Variants in EPN3 observed in about 807,000 individuals in gnomAD.
EPN3 encodes the protein epsin-3.
In EPN3, 56 loss-of-function variants were observed where a neutral mutation model predicts 55.5. That is an observed-to-expected ratio of 1.01 (90% confidence interval 0.81 to 1.26). EPN3 has a LOEUF of 1.26. Ranked by LOEUF, EPN3 falls within the 50% of genes most tolerant of loss-of-function variation. The pLI, the probability that EPN3 is intolerant of heterozygous loss-of-function variation, is 0.00. For missense variants in EPN3, 927 were observed against 853.4 expected (o/e 1.09, Z -1.07); for synonymous variants, 449 against 375.2 (o/e 1.20, Z -2.27).
intron 8 of EPN3, 51 bp downstream of exon 8, chr17:50,541,384 C>T (rs751131855): frequency 1.2e-6 from 2 of 1,605,820 alleles, no homozygotes; most frequent in East Asian, 2.2e-5. Flanking sequence ...GGGCCCACCC[C>T]GAGCAGCCTC....
intron 9 of EPN3, 30 bp downstream of exon 9, chr17:50,541,724 G>C: frequency 6.2e-7 from 1 of 1,611,594 alleles, no homozygotes; most frequent in South Asian, 1.1e-5. Context: ...CTCAACCCAG[G>C]GGCTCCTGCT....
chr17:50,538,114 G>C lies in EPN3; in HGVS notation c.598G>C (p.Glu200Gln). The change falls in exon 3 of 10, where the codon GAG (glutamate) becomes CAG (glutamine). Residue 200 changes from glutamate (E) to glutamine (Q), a missense_variant. Physicochemically the swap from Glu to Gln is conservative, Grantham distance 29. Transcript: ENST00000268933. ...GTCACCCCGCTATACCTCCGACCTG[G>C]AGCAGGCCCGGCCTCAGACGTCAGG... is the stretch of plus-strand genomic sequence containing the variant. ...SSSPRYTSDL[E>Q]QARPQTSGEE... 6.2e-7 allele frequency: 1 copy of C among 1,614,062 alleles called. No individual in the cohort carries two copies. Among genetic ancestry groups the C allele is most frequent in the Non-Finnish European group, 8.5e-7 (1 of 1,180,010 alleles).
rs2034844830 is a variant in EPN3 at position 50,541,238 on chromosome 17, C to T, written c.1259C>T (p.Ser420Leu). Reference protein sequence around the residue: ...LETSDTPGGASTFDPFAKPPE... With the variant: ...LETSDTPGGALTFDPFAKPPE... ...CTCTCTCTCTTCCGAGGTGGTGCCTCGACCTTTGACCCATTTGCCAAACCT... is the reference window on the plus strand; with the variant it reads ...CTCTCTCTCTTCCGAGGTGGTGCCTTGACCTTTGACCCATTTGCCAAACCT... The change falls in exon 8 of 10, where the codon TCG (serine) becomes TTG (leucine). Residue 420 changes from serine to leucine, a missense_variant. Transcript: ENST00000268933. 3 of 1,613,612 alleles carry T rather than the reference C, an allele frequency of 1.9e-6. No homozygotes were observed. Among genetic ancestry groups the T allele is most frequent in the Non-Finnish European group, 2.5e-6 (3 of 1,180,028 alleles).
Position 50,536,535 on chromosome 17 carries a change from A to ACCC in EPN3, c.-21_-19dup, listed in dbSNP as rs2034764686. ...TCCACCTCCGGCGGGGGCGAGGGCC[A>ACCC]CCCACCTCCAAGTCTCCAGCCATGA... is the stretch of plus-strand genomic sequence containing the variant. On this transcript the variant is annotated 5_prime_UTR_variant, in exon 2 of 10. Coordinates refer to ENST00000268933, the MANE Select transcript of EPN3 (RefSeq NM_017957.3). The ACCC allele has an allele frequency of 6.2e-7, 1 of 1,612,750 alleles. No individual in the cohort carries two copies.
intron 1 of EPN3, among the ~76,000 whole-genome samples, chr17:50,533,316 T>TC (rs1310215359): frequency 1.3e-5 from 2 of 151,842 alleles, no homozygotes; most frequent in East Asian, 1.9e-4. Flanking sequence ...CTCAGGGCAG[T>TC]CCCCCCTCCC....
rs139229070 is a variant in EPN3, at chr17:50,536,771, G to A, written c.215G>A (p.Arg72Gln). 216 of 1,614,162 alleles carry A rather than the reference G, an allele frequency of 1.3e-4. No homozygotes were observed. The African/African-American group carries it at 2.3e-3, about 18-fold the overall frequency. The change falls in exon 2 of 10, where the codon CGG becomes CAG. Residue 72 changes from arginine (R) to glutamine (Q), a missense_variant. Physicochemically the swap from Arg to Gln is conservative, Grantham distance 43. Coordinates refer to ENST00000268933, the MANE Select transcript of EPN3 (RefSeq NM_017957.3). ...CTCAATGACAGCGGCAAGAACTGGC[G>A]GCACGTGTACAAGGCTCTAACATTG... Reference protein sequence around the residue: ...RRLNDSGKNWRHVYKALTLLD... With the variant: ...RRLNDSGKNWQHVYKALTLLD...
rs185240673 is a variant in EPN3 at position 50,534,969 on chromosome 17, G to C, written c.-136-1452G>C. ...GAGGCTCTGCAGGCCCAGACAGTGT[G>C]TGTGTGCATGCACACACCAGTGCTA... is the stretch of plus-strand genomic sequence containing the variant. On this transcript the variant is annotated intron_variant, in intron 1 of 9. Transcript: ENST00000268933. 2.2e-3 allele frequency among the ~76,000 whole-genome samples: 333 copies of C among 152,302 alleles called. 1 individual carries two copies. The highest frequency in any genetic ancestry group is 3.5e-3 in the Non-Finnish European group (239 of 68,026).
chr17:50,542,123 C>G lies in EPN3; in HGVS notation c.1865C>G (p.Pro622Arg), dbSNP rs773881528. ...CCGAGCTCAGCCGGGCCGCGGCCCC[C>G]GCCCCCGCAGACCGGCACCAACCCC... is the stretch of plus-strand genomic sequence containing the variant. ...PTPSSAGPRP[P>R]PPQTGTNPFL is the part of the protein sequence containing the mutation. The change falls in exon 10 of 10, where the codon CCG becomes CGG. Residue 622 changes from proline (P) to arginine (R), a missense_variant. Pro to Arg is a moderately radical substitution (Grantham distance 103). Transcript: ENST00000268933. 1.1e-5 allele frequency: 16 copies of G among 1,523,066 alleles called. No individual in the cohort carries two copies. The highest frequency in any genetic ancestry group is 1.4e-5 in the African/African-American group (1 of 70,060). The allele number at this position is 1,523,066 out of a possible 1,614,324, so 94.3% of individuals were successfully genotyped here.
At chr17:50,533,374 T>TA (rs2034705076) in intron 1 of EPN3, among the ~76,000 whole-genome samples, 1 of 152,058 alleles carries the variant, frequency 6.6e-6, no homozygotes, top group Non-Finnish European at 1.5e-5. Flanking sequence ...GCCAGAAGCT[T>TA]AGAGTTCAAG....
In EPN3 at chr17:50,541,319, C is replaced by G. The variant is rs2034845921; in HGVS notation, c.1340C>G (p.Pro447Arg). ...GAGCAGGCCCTGCCCTCTGGGAAGCCCAGCAGCCCTGTGGGTGAGCAGGGC... is the reference window on the plus strand; with the variant it reads ...GAGCAGGCCCTGCCCTCTGGGAAGCGCAGCAGCCCTGTGGGTGAGCAGGGC... ...GLEQALPSGK[P>R]SSPVELDLFG... Residue 447 changes from proline to arginine, a missense_variant, in exon 8 of 10, where the codon CCC becomes CGC. Transcript: ENST00000268933. 6.2e-7 allele frequency: 1 copy of G among 1,612,398 alleles called. No individual in the cohort carries two copies. Among genetic ancestry groups the G allele is most frequent in the Non-Finnish European group, 8.5e-7 (1 of 1,179,992 alleles).
chr17:50,539,150 C>T, intron 4 of EPN3, 37 bp from the exon 5 acceptor site: 1 of 1,611,632 alleles, frequency 6.2e-7, no homozygotes, highest in Non-Finnish European at 8.5e-7. Flanking sequence ...CCCGCCTGAG[C>T]TGCTCATGCT....
At chr17:50,535,699 C>G (rs998897278) in intron 1 of EPN3, among the ~76,000 whole-genome samples, 3 of 152,208 alleles carry the variant, frequency 2.0e-5, no homozygotes, top group Non-Finnish European at 4.4e-5. Context: ...ACCCTCTCAA[C>G]TGAACGTGGG....
In EPN3 at chr17:50,542,128, C is replaced by T. The variant is rs1353081917; in HGVS notation, c.1870C>T (p.Pro624Ser). The change falls in exon 10 of 10, where the codon CCG (proline) becomes TCG (serine). Residue 624 changes from proline to serine, a missense_variant. Coordinates refer to ENST00000268933, the MANE Select transcript of EPN3 (RefSeq NM_017957.3). ...PSSAGPRPPP[P>S]QTGTNPFL is the part of the protein sequence containing the mutation. ...CTCAGCCGGGCCGCGGCCCCCGCCC[C>T]CGCAGACCGGCACCAACCCCTTCCT... is the stretch of plus-strand genomic sequence containing the variant. 10 of 1,520,404 alleles carry T rather than the reference C, an allele frequency of 6.6e-6. No individual in the cohort carries two copies. The highest frequency in any genetic ancestry group is 7.9e-6 in the Non-Finnish European group (9 of 1,142,828). The allele number at this position is 1,520,404 out of a possible 1,614,324, so 94.2% of individuals were successfully genotyped here. A position where few individuals can be genotyped will look rare whatever the true frequency, so the allele number is the denominator to read the frequency against.
At position 50,541,459 on chromosome 17, in the gene EPN3, T is replaced by G; in HGVS notation, c.1355-5T>G. 1 of 1,613,494 alleles carries G rather than the reference T, an allele frequency of 6.2e-7. No individual in the cohort carries two copies. Among genetic ancestry groups the G allele is most frequent in the Non-Finnish European group, 8.5e-7 (1 of 1,179,674 alleles). On this transcript the variant is annotated splice_polypyrimidine_tract_variant and splice_region_variant and intron_variant, in intron 8 of 9. Transcript: ENST00000268933. ...CACCAATTAGCTCTAGCATTTCTATTCCAGAGCTGGACCTGTTTGGAGACC... is the reference window on the plus strand; with the variant it reads ...CACCAATTAGCTCTAGCATTTCTATGCCAGAGCTGGACCTGTTTGGAGACC...
intron 2 of EPN3, chr17:50,537,339 G>C: frequency 1.7e-6 from 1 of 586,482 alleles, no homozygotes; most frequent in Non-Finnish European, 3.0e-6. Flanking sequence ...TCATTCGTTA[G>C]CTGCCTGATA....
rs755483203 is a variant in EPN3 at position 50,542,110 on chromosome 17, G to T, written c.1852G>T (p.Gly618Trp). 2.6e-6 allele frequency: 4 copies of T among 1,539,576 alleles called. No individual in the cohort carries two copies. Among genetic ancestry groups the T allele is most frequent in the East Asian group, 5.1e-5 (2 of 39,346 alleles). The change falls in exon 10 of 10, where the codon GGG becomes TGG. Residue 618 changes from glycine (G) to tryptophan (W), a missense_variant. By Grantham distance (184) the Gly-to-Trp change is radical. Coordinates refer to ENST00000268933, the MANE Select transcript of EPN3 (RefSeq NM_017957.3). ...QPLLPTPSSA[G>W]PRPPPPQTGT... Reference sequence around the variant, plus strand: ...GCTGCTGCCCACGCCGAGCTCAGCCGGGCCGCGGCCCCCGCCCCCGCAGAC... The same window carrying T: ...GCTGCTGCCCACGCCGAGCTCAGCCTGGCCGCGGCCCCCGCCCCCGCAGAC...
intron 5 of EPN3, 34 bp downstream of exon 5, chr17:50,539,349 G>T (rs757499493): frequency 6.2e-7 from 1 of 1,612,788 alleles, no homozygotes; most frequent in Non-Finnish European, 8.5e-7. Flanking sequence ...GGGATGGACA[G>T]GGCCTAAGAG....
In EPN3 at chr17:50,534,661, C is replaced by A. The variant is rs916205025; in HGVS notation, c.-137+1676C>A. 5 of 984,910 alleles carry A rather than the reference C, an allele frequency of 5.1e-6. No individual in the cohort carries two copies. The East Asian group carries it at 3.4e-4, about 67-fold the overall frequency. The allele number at this position is 984,910 out of a possible 1,614,324, so 61.0% of individuals were successfully genotyped here. A position where few individuals can be genotyped will look rare whatever the true frequency, so the allele number is the denominator to read the frequency against. The stretch of plus-strand genomic sequence containing the variant: ...GAGATAGCAGACAAAAGGTAGGCTG[C>A]GCTGTGGGCCAGGCACTCTCCACCT... On this transcript the variant is annotated intron_variant, in intron 1 of 9. Coordinates refer to ENST00000268933, the MANE Select transcript of EPN3 (RefSeq NM_017957.3).
chr17:50,539,384 G>A, intron 5 of EPN3, 69 bp downstream of exon 5: 1 of 1,603,102 alleles, frequency 6.2e-7, no homozygotes, highest in Non-Finnish European at 8.5e-7. Context: ...TGTAAAGAGA[G>A]AGCAGAGCAG....
Sources: gnomAD v4.1 joint callset for allele counts (sites outside exome capture counted in the v4.1 genomes callset) on GRCh38, gnomAD v4.1.1 for gene constraint, MANE v1.5 for transcripts, NCBI Gene and HGNC (gene_info 2026-07-23, HGNC 2026-07-21) for gene names.